DDX51: variants seen among roughly 807,000 people sequenced by gnomAD.
DDX51 encodes DEAD-box helicase 51.
A neutral mutation model predicts 74.6 loss-of-function variants in DDX51; 67 were observed. The ratio of observed to expected loss-of-function variants is 0.90; its 90% CI spans 0.74 to 1.10. DDX51 has a LOEUF of 1.10. Among genes scored for constraint, DDX51 ranks in the 50% least tolerant of loss-of-function variants. The pLI is 0.00. For missense variants in DDX51, 1,056 were observed against 905.2 expected, an observed-to-expected ratio of 1.17 and a Z score of -2.14; for synonymous variants, 545 against 402.9, an observed-to-expected ratio of 1.35 and a Z score of -4.22.
chr12:132,143,925 C>A lies in DDX51; in HGVS notation c.305-16G>T, dbSNP rs1442733336. On this transcript the variant is annotated splice_polypyrimidine_tract_variant and intron_variant, in intron 1 of 14. Transcript: ENST00000397333. The stretch of plus-strand genomic sequence containing the variant: ...TCGTTGCTTTCTGCGAGGCAGACAC[C>A]CACCCGGCAGCGCGTCAGCACCGAG... 2 of 1,511,600 alleles carry A rather than the reference C, an allele frequency of 1.3e-6. No homozygotes were observed. The highest frequency in any genetic ancestry group is 2.9e-5 in the African/African-American group (2 of 69,258). 93.6% of individuals were successfully genotyped at this position (1,511,600 alleles called of 1,614,324 possible).
chr12:132,141,807 G>A, intron 6 of DDX51, 43 bp downstream of exon 6: 1 of 1,599,504 alleles, frequency 6.3e-7, no homozygotes, highest in African/African-American at 1.3e-5. Context: ...CTGCAGGGCT[G>A]AGCAGGGACC....
rs61756267 is a variant in DDX51, at chr12:132,139,769, C to T, written c.1840G>A (p.Glu614Lys). The change falls in exon 14 of 15, where the codon GAG becomes AAG. Residue 614 changes from glutamate (E) to lysine (K), a missense_variant and splice_region_variant. Physicochemically the swap from Glu to Lys is moderately conservative, Grantham distance 56 (BLOSUM62 1). Transcript: ENST00000397333. Reference protein sequence around the residue: ...QAFTLLLKVQERRFLRMLTEA... With the variant: ...QAFTLLLKVQKRRFLRMLTEA... ...GTTAGCATTCGGAGGAATCTCCTCT[C>T]CTGGAGAGAAGCTCATGGTGGAAGG... 6.0e-4 allele frequency: 964 copies of T among 1,613,186 alleles called. 12 individuals carry two copies. The highest frequency in any genetic ancestry group is 5.2e-3 in the South Asian group (473 of 91,092).
chr12:132,144,220 C>CCGGCCTCCG lies in DDX51; in HGVS notation c.68_76dup (p.Ala23_Ala25dup), dbSNP rs1310956614. The CCGGCCTCCG allele has an allele frequency of 5.0e-6, 6 of 1,209,866 alleles. No individual in the cohort carries two copies. In the East Asian group the frequency reaches 2.1e-4, roughly 42 times the overall value. 74.9% of individuals were successfully genotyped at this position (1,209,866 alleles called of 1,614,324 possible). ...CAGCGCGCGGGCCCTGCCGTGCGCC[C>CCGGCCTCCG]CGGCCTCCGCGCCCTCCGGCCCCGC... On this transcript the variant is annotated inframe_insertion, in exon 1 of 15. Coordinates refer to ENST00000397333, the MANE Select transcript of DDX51 (RefSeq NM_175066.4).
rs369540465 is a variant in DDX51 at position 132,142,143 on chromosome 12, C to T, written c.864G>A (p.Leu288=). The T allele has an allele frequency of 3.2e-6, 5 of 1,545,376 alleles. No homozygotes were observed. Among genetic ancestry groups the T allele is most frequent in the Non-Finnish European group, 4.4e-6 (5 of 1,145,902 alleles). ...VVCHIRALVV[L]PTKELAQQVS... is the part of the protein sequence containing the mutation. ...CCTGCTGGGCCAGCTCCTTGGTGGG[C>T]AGCACAACCAGGGCACGGATGTGGC... The change falls in exon 5 of 15, where the codon CTG becomes CTA. Residue 288 remains leucine, a synonymous_variant. Coordinates refer to ENST00000397333, the MANE Select transcript of DDX51 (RefSeq NM_175066.4).
At position 132,144,049 on chromosome 12, in the gene DDX51, C is replaced by T. The variant is rs1339067551; in HGVS notation, c.248G>A (p.Ser83Asn). 6 of 1,319,018 alleles carry T rather than the reference C, an allele frequency of 4.5e-6. No individual in the cohort carries two copies. The highest frequency in any genetic ancestry group is 3.2e-5 in the East Asian group (1 of 31,576). 81.7% of individuals were successfully genotyped at this position (1,319,018 alleles called of 1,614,324 possible). A position where few individuals can be genotyped will look rare whatever the true frequency, so the allele number is the denominator to read the frequency against. The change falls in exon 1 of 15, where the codon AGC (serine) becomes AAC (asparagine). Residue 83 changes from serine (S) to asparagine (N), a missense_variant. By Grantham distance (46) the Ser-to-Asn change is conservative. Coordinates refer to ENST00000397333, the MANE Select transcript of DDX51 (RefSeq NM_175066.4). Reference protein sequence around the residue: ...RRRVNDAEPGSPEAPQGKRRK... With the variant: ...RRRVNDAEPGNPEAPQGKRRK... ...TCGCTTTCCCTGCGGCGCCTCCGGG[C>T]TCCCCGGCTCCGCGTCGTTCACCCG...
chr12:132,139,962 A>G, intron 12 of DDX51, 38 bp from the exon 13 acceptor site: 1 of 1,612,422 alleles, frequency 6.2e-7, no homozygotes. Flanking sequence ...CTGGCCCCTG[A>G]GCCTTCAAGA....
At position 132,141,657 on chromosome 12, in the gene DDX51, G is replaced by A. The variant is rs186061555; in HGVS notation, c.996-51C>T. 68 of 1,529,738 alleles carry A rather than the reference G, an allele frequency of 4.4e-5. 1 individual carries two copies. Among genetic ancestry groups the A allele is most frequent in the Middle Eastern group, 1.8e-4 (1 of 5,704 alleles). 94.8% of individuals were successfully genotyped at this position (1,529,738 alleles called of 1,614,324 possible). On this transcript the variant is annotated intron_variant, in intron 6 of 14. Transcript: ENST00000397333. Reference sequence around the variant, plus strand: ...GAAGGAAGCTTTCTCAAGGGCTTCCGGATAGCAAGACGCTGCCTCACCCCA... The same window carrying A: ...GAAGGAAGCTTTCTCAAGGGCTTCCAGATAGCAAGACGCTGCCTCACCCCA...
chr12:132,143,583 C>A, intron 2 of DDX51, 112 bp downstream of exon 2: 1 of 1,385,450 alleles, frequency 7.2e-7, no homozygotes, highest in Non-Finnish European at 9.8e-7. Context: ...CGAGGCGCGG[C>A]TGTGACCCGG....
chr12:132,140,931 T>C lies in DDX51; in HGVS notation c.1340A>G (p.His447Arg), dbSNP rs201756806. ...CCCTGTGGAGAAAAGCCGGGGCTGGTGGAGGCCCAGCTGCTGCAGCTTTTC... is the reference window on the plus strand; with the variant it reads ...CCCTGTGGAGAAAAGCCGGGGCTGGCGGAGGCCCAGCTGCTGCAGCTTTTC... The part of the protein sequence containing the change: ...NPEKLQQLGL[H>R]QPRLFSTGLA... Residue 447 changes from histidine (H) to arginine (R), a missense_variant, in exon 9 of 15, where the codon CAC (histidine) becomes CGC (arginine). His to Arg is a conservative substitution (Grantham distance 29, BLOSUM62 0). Coordinates refer to ENST00000397333, the MANE Select transcript of DDX51 (RefSeq NM_175066.4). 3.5e-5 allele frequency: 57 copies of C among 1,613,146 alleles called. No homozygotes were observed. In the African/African-American group the frequency reaches 7.5e-4, roughly 21 times the overall value.
intron 3 of DDX51, 151 bp downstream of exon 3, chr12:132,142,577 A>G: frequency 1.4e-6 from 2 of 1,460,368 alleles, no homozygotes; most frequent in Non-Finnish European, 1.8e-6. Flanking sequence ...CGCCAGCCTC[A>G]GGAGACCCAA....
intron 11 of DDX51, 70 bp from the exon 12 acceptor site, chr12:132,140,269 G>C: frequency 6.3e-7 from 1 of 1,577,748 alleles, no homozygotes; most frequent in Non-Finnish European, 8.6e-7. Flanking sequence ...CGGCCCTGCG[G>C]GGGGCAGCTC....
rs1401585488 is a variant in DDX51 at position 132,137,915 on chromosome 12, A to C, written c.*1357T>G. 1 of 151,772 alleles carries C rather than the reference A, an allele frequency of 6.6e-6. No homozygotes were observed. Among genetic ancestry groups the C allele is most frequent in the Non-Finnish European group, 1.5e-5 (1 of 67,928 alleles). The allele number at this position is 151,772 out of a possible 1,614,324, so 9.4% of individuals were successfully genotyped here. ...CCAACTCCCGGCCCCGGCACCCTTC[A>C]ATCTCTGGCTGTGCCTGGGACACTC... is the stretch of plus-strand genomic sequence containing the variant. On this transcript the variant is annotated 3_prime_UTR_variant, in exon 15 of 15. Coordinates refer to ENST00000397333, the MANE Select transcript of DDX51 (RefSeq NM_175066.4).
chr12:132,142,910 G>C, intron 2 of DDX51, 32 bp from the exon 3 acceptor site: 1 of 1,610,790 alleles, frequency 6.2e-7, no homozygotes, highest in Non-Finnish European at 8.5e-7. Flanking sequence ...GGCCAGGTGA[G>C]CGCTTTCCAG....
chr12:132,140,482 G>T lies in DDX51; in HGVS notation c.1614C>A (p.Arg538=), dbSNP rs61942919. 6.2e-7 allele frequency: 1 copy of T among 1,613,252 alleles called. No individual in the cohort carries two copies. The highest frequency in any genetic ancestry group is 2.2e-5 in the East Asian group (1 of 44,882). The change falls in exon 11 of 15, where the codon CGC becomes CGA. Residue 538 remains arginine (R), a synonymous_variant. Transcript: ENST00000397333. ...GGVDVAEFSS[R]YGPGQRRMIL... is the part of the protein sequence containing the mutation. ...TCATCCTCCTCTGGCCAGGCCCGTAGCGCGAGGAGAACTCAGCCACGTCCA... is the reference window on the plus strand; with the variant it reads ...TCATCCTCCTCTGGCCAGGCCCGTATCGCGAGGAGAACTCAGCCACGTCCA...
intron 2 of DDX51, chr12:132,143,358 A>T: frequency 2.1e-6 from 1 of 483,976 alleles, no homozygotes; most frequent in Non-Finnish European, 3.7e-6. Flanking sequence ...ACACGTGCTA[A>T]GCAAAAACAC....
intron 3 of DDX51, 98 bp from the exon 4 acceptor site, chr12:132,142,520 G>A: frequency 1.3e-6 from 2 of 1,523,238 alleles, no homozygotes; most frequent in Admixed American, 2.0e-5. Flanking sequence ...CTCTGCTGGA[G>A]GCCTGGGAAC....
chr12:132,142,187 G>C lies in DDX51; in HGVS notation c.820C>G (p.Leu274Val). Residue 274 changes from leucine to valine, a missense_variant, in exon 5 of 15, where the codon CTG becomes GTG. By Grantham distance (32) the Leu-to-Val change is conservative. Coordinates refer to ENST00000397333, the MANE Select transcript of DDX51 (RefSeq NM_175066.4). ...LAFVIPVVQA[L>V]LSRVVCHIRA... is the part of the protein sequence containing the mutation. The stretch of plus-strand genomic sequence containing the variant: ...ATGTGGCAGACCACTCTCGAAAGCA[G>C]GGCCTGAGGGGGAAGGAGCGCCTGC... The C allele has an allele frequency of 6.4e-7, 1 of 1,563,850 alleles. No homozygotes were observed. The highest frequency in any genetic ancestry group is 1.2e-5 in the South Asian group (1 of 82,938).
Position 132,140,678 on chromosome 12 carries a change from G to C in DDX51, c.1498C>G (p.Leu500Val), listed in dbSNP as rs1230707703. The C allele has an allele frequency of 6.2e-7, 1 of 1,613,112 alleles. No homozygotes were observed. Among genetic ancestry groups the C allele is most frequent in the South Asian group, 1.1e-5 (1 of 91,076 alleles). ...AGAACCCTCGAGAAGCCCATCTCCA[G>C]GACCAGGTGCAGGACGACCAGCGGC... ...SKPLVVLHLV[L>V]EMGFSRVLCF... is the part of the protein sequence containing the mutation. Residue 500 changes from leucine (L) to valine (V), a missense_variant, in exon 10 of 15, where the codon CTG becomes GTG. Leu to Val is a conservative substitution (Grantham distance 32, BLOSUM62 1). Transcript: ENST00000397333.
rs1897298857 is a variant in DDX51, at chr12:132,137,576, CCAGA to C, written c.*1692_*1695del. 1 of 152,200 alleles carries C rather than the reference CCAGA, an allele frequency of 6.6e-6. No homozygotes were observed. The highest frequency in any genetic ancestry group is 1.5e-5 in the Non-Finnish European group (1 of 68,056). The allele number at this position is 152,200 out of a possible 1,614,324, so 9.4% of individuals were successfully genotyped here. On this transcript the variant is annotated 3_prime_UTR_variant, in exon 15 of 15. Transcript: ENST00000397333. ...CTCTAATCAGCTGCCAGTCCCCATC[CCAGA>C]CATTCTTTGCATCTAAGCTGAGGTC...
Sources: gnomAD v4.1 joint callset for allele counts on GRCh38, gnomAD v4.1.1 for gene constraint, MANE v1.5 for transcripts, NCBI Gene and HGNC (gene_info 2026-07-23, HGNC 2026-07-21) for gene names.